Variants in ANXA4 observed in about 807,000 individuals in gnomAD.
ANXA4 encodes annexin A4.
ANXA4 carries 39 observed loss-of-function variants against 49.8 expected under a neutral mutation model. The ratio of observed to expected loss-of-function variants is 0.78; its 90% CI spans 0.61 to 1.02. ANXA4 has a LOEUF of 1.02. Among genes scored for constraint, ANXA4 ranks in the 50% least tolerant of loss-of-function variants. The pLI, the probability that ANXA4 is intolerant of heterozygous loss-of-function variation, is 0.00. For synonymous variants in ANXA4, 134 were observed against 152.5 expected, an observed-to-expected ratio of 0.88 and a Z score of 0.89; for missense variants, 360 against 410.1, an observed-to-expected ratio of 0.88 and a Z score of 1.05.
chr2:69,782,466 T>C (rs1332617374), intron 2 of ANXA4, among the ~76,000 whole-genome samples: 1 of 152,220 alleles, frequency 6.6e-6, no homozygotes, highest in African/African-American at 2.4e-5. Context: ...TTAAAATCAT[T>C]TTCTTGCTGA....
chr2:69,807,999 A>ACGTGACATC lies in ANXA4; in HGVS notation c.397+6_397+14dup, dbSNP rs766359709. On this transcript the variant is annotated splice_donor_region_variant and intron_variant, in intron 6 of 12. Coordinates refer to ENST00000394295, the MANE Select transcript of ANXA4 (RefSeq NM_001153.5). The stretch of plus-strand genomic sequence containing the variant: ...CATAAGCCAAACCTACCAGCAGCGT[A>ACGTGACATC]CGTGACATCCGCAGTGGCCCTGGCT... 2 of 1,613,984 alleles carry ACGTGACATC rather than the reference A, an allele frequency of 1.2e-6. No individual in the cohort carries two copies. Among genetic ancestry groups the ACGTGACATC allele is most frequent in the Non-Finnish European group, 1.7e-6 (2 of 1,179,874 alleles).
intron 3 of ANXA4, among the ~76,000 whole-genome samples, chr2:69,793,870 A>AAC (rs33948248): frequency 3.3e-5 from 5 of 151,656 alleles, no homozygotes; most frequent in Non-Finnish European, 7.4e-5. Flanking sequence ...GAGAAAAAAA[A>AAC]GTTTCCAGAT....
At chr2:69,646,233 C>T (rs1293753575) in intron 1 of ANXA4, among the ~76,000 whole-genome samples, 1 of 152,156 alleles carries the variant, frequency 6.6e-6, no homozygotes, top group Non-Finnish European at 1.5e-5. Flanking sequence ...AAATAATGAA[C>T]AGATCAGCCA....
chr2:69,645,423 G>T (rs1036924533), intron 1 of ANXA4, among the ~76,000 whole-genome samples: 1 of 152,234 alleles, frequency 6.6e-6, no homozygotes, highest in African/African-American at 2.4e-5. Context: ...GTCTGAGGAA[G>T]TTTGAAGCAG....
intron 3 of ANXA4, 143 bp downstream of exon 3, chr2:69,788,284 C>T (rs1195687835): frequency 2.9e-6 from 2 of 698,028 alleles, no homozygotes; most frequent in Middle Eastern, 4.0e-4. Context: ...TCATGCCTGT[C>T]ATCTCAGCAC....
At chr2:69,822,766 G>C (rs1032832934) in intron 12 of ANXA4, among the ~76,000 whole-genome samples, 2 of 152,168 alleles carry the variant, frequency 1.3e-5, no homozygotes, top group African/African-American at 4.8e-5. Context: ...TGGAGGGAGA[G>C]GAAAGAATGG....
intron 12 of ANXA4, among the ~76,000 whole-genome samples, chr2:69,823,056 CAAT>C (rs1286066455): frequency 1.3e-5 from 2 of 149,466 alleles, no homozygotes; most frequent in Non-Finnish European, 3.0e-5. Context: ...ATATTTATAT[CAAT>C]AATATGGTAT....
intron 3 of ANXA4, among the ~76,000 whole-genome samples, chr2:69,734,827 G>A (rs973615652): frequency 1.3e-5 from 2 of 152,150 alleles, no homozygotes; most frequent in Admixed American, 1.3e-4. Flanking sequence ...GTGTCAACTT[G>A]AGTATAGTGT....
At chr2:69,804,710 G>A (rs1266674738) in intron 4 of ANXA4, 83 bp downstream of exon 4, 2 of 1,167,196 alleles carry the variant, frequency 1.7e-6, no homozygotes, top group Non-Finnish European at 2.5e-6. Flanking sequence ...GGTTCCCGAA[G>A]TGACCTTGTG....
Position 69,648,907 on chromosome 2 carries a change from A to ATGG in ANXA4, n.481+4003_481+4005dup, listed in dbSNP as rs1420232749. ...TCTTTTCTTTTTTTTTTTTTTTGAG[A>ATGG]TGGAGTTTTGCTCTGTTACCCAGGC... On this transcript the variant is annotated intron_variant and non_coding_transcript_variant, in intron 1 of 3. Coordinates refer to the ANXA4 transcript ENST00000418066. Among the ~76,000 whole-genome samples, 3 of 78,178 alleles carry ATGG rather than the reference A, an allele frequency of 3.8e-5. No individual in the cohort carries two copies. In the East Asian group the frequency reaches 2.0e-3, roughly 52 times the overall value. 51.3% of individuals were successfully genotyped at this position (78,178 alleles called of 152,430 possible).
chr2:69,774,327 G>GC (rs71397354), intron 1 of ANXA4, among the ~76,000 whole-genome samples: 53 of 89,504 alleles, frequency 5.9e-4, no homozygotes, highest in Admixed American at 6.7e-4. Context: ...TGTAAAAGGA[G>GC]CCCCCCCCCC....
At chr2:69,656,089 G>A (rs1409379805) in intron 2 of ANXA4, among the ~76,000 whole-genome samples, 1 of 151,250 alleles carries the variant, frequency 6.6e-6, no homozygotes, top group Admixed American at 6.6e-5. Context: ...ATGGGTTGAT[G>A]GGTCCAGCAA....
chr2:69,649,310 T>C (rs955105996), intron 1 of ANXA4, among the ~76,000 whole-genome samples: 10 of 152,180 alleles, frequency 6.6e-5, no homozygotes, highest in Admixed American at 6.5e-4. Context: ...AAAAATCAGC[T>C]ATAATTCTAC....
intron 5 of ANXA4, among the ~76,000 whole-genome samples, chr2:69,807,437 T>A (rs1002971416): frequency 6.6e-6 from 1 of 152,158 alleles, no homozygotes; most frequent in Non-Finnish European, 1.5e-5. Flanking sequence ...CACCTTAGGA[T>A]GGTTCTACTT....
intron 2 of ANXA4, among the ~76,000 whole-genome samples, chr2:69,658,399 C>CAA (rs754617600): frequency 0.094 from 6,996 of 74,438 alleles, 291 homozygotes; most frequent in Non-Finnish European, 0.15. Flanking sequence ...GGTTCTGTCT[C>CAA]AAAAAAAAAA....
At chr2:69,743,257 G>A (rs962163926) in intron 1 of ANXA4, among the ~76,000 whole-genome samples, 14 of 151,820 alleles carry the variant, frequency 9.2e-5, no homozygotes, top group Non-Finnish European at 1.8e-4. Context: ...TTGCTCTGTT[G>A]CCCAGGCTGG....
chr2:69,688,561 A>G (rs1486161908), intron 2 of ANXA4, among the ~76,000 whole-genome samples: 2 of 152,210 alleles, frequency 1.3e-5, no homozygotes, highest in East Asian at 1.9e-4. Context: ...TTTCAATGAT[A>G]TGGTTACGCT....
At chr2:69,821,321 G>T (rs1185316556) in intron 12 of ANXA4, among the ~76,000 whole-genome samples, 1 of 152,130 alleles carries the variant, frequency 6.6e-6, no homozygotes, top group Non-Finnish European at 1.5e-5. Flanking sequence ...GAGGATGCTG[G>T]AAGAGTCTCA....
chr2:69,707,555 G>A (rs1678536965), intron 2 of ANXA4, among the ~76,000 whole-genome samples: 1 of 152,146 alleles, frequency 6.6e-6, no homozygotes, highest in Non-Finnish European at 1.5e-5. Flanking sequence ...CACGACAGTT[G>A]TTCTTCGCAT....
Sources: allele counts gnomAD v4.1 joint callset (sites outside exome capture counted in the v4.1 genomes callset), GRCh38; gene constraint gnomAD v4.1.1; transcripts MANE v1.5; gene names NCBI Gene and HGNC (gene_info 2026-07-23, HGNC 2026-07-21).